The following TIAM1 variants were observed in gnomAD, a reference collection of about 807,000 sequenced individuals.
TIAM1 encodes the protein rho guanine nucleotide exchange factor TIAM1.
TIAM1 carries 65 observed loss-of-function variants against 163.5 expected under a neutral mutation model. The ratio of observed to expected loss-of-function variants is 0.40; its 90% CI spans 0.33 to 0.49. TIAM1 has a LOEUF of 0.49. Ranked by LOEUF, TIAM1 falls within the 20% of genes least tolerant of loss-of-function variation. TIAM1 has a pLI of 0.77. For missense variants in TIAM1, 1,789 were observed against 2,044.7 expected, an observed-to-expected ratio of 0.87 and a Z score of 2.41; for synonymous variants, 833 against 810.1, an observed-to-expected ratio of 1.03 and a Z score of -0.48.
chr21:31,432,857 T>C (rs2044089467), intron 2 of TIAM1, among the ~76,000 whole-genome samples: 1 of 152,142 alleles, frequency 6.6e-6, no homozygotes, highest in African/African-American at 2.4e-5. Flanking sequence ...AATCTGTATG[T>C]GGTCGCTCCC....
At chr21:31,360,716 C>T (rs1371418009) in intron 2 of TIAM1, among the ~76,000 whole-genome samples, 1 of 152,108 alleles carries the variant, frequency 6.6e-6, no homozygotes, top group African/African-American at 2.4e-5. Context: ...ATAAGAAAAA[C>T]ATCAACTACC....
intron 5 of TIAM1, among the ~76,000 whole-genome samples, chr21:31,247,608 T>G (rs558616971): frequency 9.2e-5 from 14 of 152,136 alleles, no homozygotes; most frequent in African/African-American, 2.9e-4. Flanking sequence ...GTTACCCAGG[T>G]TGGTCTCAAA....
chr21:31,324,565 C>G (rs934943255), intron 2 of TIAM1, among the ~76,000 whole-genome samples: 4 of 152,160 alleles, frequency 2.6e-5, no homozygotes, highest in Non-Finnish European at 5.9e-5. Flanking sequence ...GGCAACTTAT[C>G]CAAGGCCACA....
intron 25 of TIAM1, 98 bp from the exon 26 acceptor site, chr21:31,127,250 AT>A (rs1454484631): frequency 7.7e-6 from 8 of 1,040,160 alleles, no homozygotes; most frequent in Non-Finnish European, 1.2e-5. Context: ...AGGATTAATA[AT>A]GCAGAACACT....
At chr21:31,188,329 A>G (rs1601472264) in intron 13 of TIAM1, among the ~76,000 whole-genome samples, 2 of 152,302 alleles carry the variant, frequency 1.3e-5, no homozygotes, top group African/African-American at 2.4e-5. Flanking sequence ...AGCAACTTCT[A>G]ACTTTCAGAT....
intron 2 of TIAM1, among the ~76,000 whole-genome samples, chr21:31,312,646 A>C (rs778945933): frequency 2.6e-5 from 4 of 152,300 alleles, no homozygotes; most frequent in Non-Finnish European, 5.9e-5. Flanking sequence ...GAATCCATCC[A>C]TAATAATAGG....
chr21:31,519,592 C>G (rs2047509697), intron 1 of TIAM1, among the ~76,000 whole-genome samples: 1 of 150,824 alleles, frequency 6.6e-6, no homozygotes, highest in Admixed American at 6.6e-5. Context: ...CAAAAGAAAG[C>G]AAGAAATTGA....
At chr21:31,186,910 AATC>A in intron 14 of TIAM1, 88 bp downstream of exon 14, 2 of 1,055,802 alleles carry the variant, frequency 1.9e-6, no homozygotes, top group South Asian at 2.7e-5. Context: ...TCCACAAATG[AATC>A]CTTTGGGCAT....
At position 31,119,030 on chromosome 21, in the gene TIAM1, GT is replaced by G. The variant is rs1023602179; in HGVS notation, c.*1337del. ...AATAGATATTTTCCCCAAAAAGAAA[GT>G]TTTCATAGTATTTTAAACCCTTCTT... On this transcript the variant is annotated 3_prime_UTR_variant, in exon 28 of 28. Transcript: ENST00000541036. 4 of 153,684 alleles carry G rather than the reference GT, an allele frequency of 2.6e-5. No individual in the cohort carries two copies. The highest frequency in any genetic ancestry group is 9.8e-5 in the African/African-American group (4 of 40,936). 9.5% of individuals were successfully genotyped at this position (153,684 alleles called of 1,614,324 possible).
chr21:31,369,954 C>T (rs974037474), intron 2 of TIAM1, among the ~76,000 whole-genome samples: 1 of 152,164 alleles, frequency 6.6e-6, no homozygotes, highest in Non-Finnish European at 1.5e-5. Flanking sequence ...CACTGCACTC[C>T]AGCCTGGGGT....
chr21:31,246,442 C>T (rs749333401), intron 5 of TIAM1, among the ~76,000 whole-genome samples: 10 of 152,278 alleles, frequency 6.6e-5, no homozygotes, highest in Middle Eastern at 3.4e-3. Context: ...ACTTTAATAG[C>T]AATTATGAGC....
intron 8 of TIAM1, among the ~76,000 whole-genome samples, chr21:31,218,099 G>A (rs2087322427): frequency 6.6e-6 from 1 of 152,178 alleles, no homozygotes; most frequent in South Asian, 2.1e-4. Context: ...GTGCTAAAGC[G>A]TCAGCAACAA....
chr21:31,279,398 G>A (rs2073444945), intron 2 of TIAM1, among the ~76,000 whole-genome samples: 1 of 152,184 alleles, frequency 6.6e-6, no homozygotes, highest in African/African-American at 2.4e-5. Flanking sequence ...CCTTGTGAAT[G>A]GATGCCACCA....
intron 1 of TIAM1, among the ~76,000 whole-genome samples, chr21:31,515,154 T>C (rs2047340783): frequency 6.6e-6 from 1 of 152,136 alleles, no homozygotes; most frequent in Non-Finnish European, 1.5e-5. Context: ...CTTTCTTCGC[T>C]ATCGACCCAC....
intron 2 of TIAM1, among the ~76,000 whole-genome samples, chr21:31,415,568 T>TAC (rs2043342851): frequency 6.6e-6 from 1 of 152,144 alleles, no homozygotes; most frequent in South Asian, 2.1e-4. Flanking sequence ...TACAACACAC[T>TAC]ACCTTCACCC....
intron 11 of TIAM1, among the ~76,000 whole-genome samples, chr21:31,208,406 A>G (rs574449635): frequency 6.6e-6 from 1 of 152,332 alleles, no homozygotes; most frequent in Non-Finnish European, 1.5e-5. Flanking sequence ...AGATCTGACA[A>G]TAACTCTTCA....
chr21:31,160,262 C>T (rs961825491), intron 16 of TIAM1, among the ~76,000 whole-genome samples: 1 of 152,180 alleles, frequency 6.6e-6, no homozygotes. Context: ...AACCTCCCCA[C>T]GTCCCCCACC....
At position 31,225,771 on chromosome 21, in the gene TIAM1, C is replaced by G; in HGVS notation, c.1764G>C (p.Leu588=). ...TTTTCTTTGAGTCAGTGACTGAAGA[C>G]AGCTGCATTTCACCCATTTTCTTCA... is the stretch of plus-strand genomic sequence containing the variant. ...EKMKKMGEMQ[L]SSVTDSKKKK... Residue 588 remains leucine, a synonymous_variant, in exon 7 of 28, where the codon CTG becomes CTC. Transcript: ENST00000541036. 1 of 1,613,806 alleles carries G rather than the reference C, an allele frequency of 6.2e-7. No individual in the cohort carries two copies. Among genetic ancestry groups the G allele is most frequent in the Non-Finnish European group, 8.5e-7 (1 of 1,180,026 alleles).
chr21:31,120,721 G>A lies in TIAM1; in HGVS notation c.4423C>T (p.Pro1475Ser), dbSNP rs1179469722. The change falls in exon 28 of 28, where the codon CCC (proline) becomes TCC (serine). Residue 1475 changes from proline to serine, a missense_variant. Physicochemically the swap from Pro to Ser is moderately conservative, Grantham distance 74. This residue lies in a region of TIAM1 where 415 missense variants were observed against 439.2 expected (regional missense o/e 0.94). Coordinates refer to ENST00000541036, the MANE Select transcript of TIAM1 (RefSeq NM_001353694.2). The surrounding 1 kb of genome is among the most constrained non-coding windows in gnomAD (Gnocchi z 4.2). ...CATCGGTCAGTGTCCCCACCACCGG[G>A]GGGCTGCTGGGACTCTTTCTCCGGG... is the stretch of plus-strand genomic sequence containing the variant. ...SSPEKESQQP[P>S]GGGDTDRWVE... is the part of the protein sequence containing the mutation. The A allele has an allele frequency of 1.2e-6, 2 of 1,614,028 alleles. No individual in the cohort carries two copies. The highest frequency in any genetic ancestry group is 1.3e-5 in the African/African-American group (1 of 75,008).
Sources: gnomAD v4.1 joint callset for allele counts (sites outside exome capture counted in the v4.1 genomes callset) on GRCh38, gnomAD v4.1.1 for gene constraint, gnomAD v4.1.1 regional missense constraint, Gnocchi (gnomAD v3.1) non-coding constraint, MANE v1.5 for transcripts, NCBI Gene and HGNC (gene_info 2026-07-23, HGNC 2026-07-21) for gene names.